Variants in PSMD8 observed in about 807,000 individuals in gnomAD.
The protein encoded by PSMD8 is 26S proteasome non-ATPase regulatory subunit 8.
Under a neutral mutation model 40.0 loss-of-function variants are expected in PSMD8, and 30 were observed. That is an observed-to-expected ratio of 0.75 (90% CI 0.56 to 1.02). The LOEUF (loss-of-function observed/expected upper bound fraction) is 1.02, where lower values mean the gene tolerates loss of function less well. Ranked by LOEUF, PSMD8 falls within the 50% of genes least tolerant of loss-of-function variation. The probability of loss-of-function intolerance (pLI) is 0.00; values close to 1 mark genes in which losing one functional copy is unlikely to be tolerated. For missense variants in PSMD8, 461 were observed against 463.9 expected (o/e 0.99, Z 0.06); for synonymous variants, 208 against 192.5 (o/e 1.08, Z -0.67).
At position 38,376,589 on chromosome 19, in the gene PSMD8, G is replaced by C. The variant is rs983317530; in HGVS notation, c.536+135G>C. 5.0e-6 allele frequency: 4 copies of C among 796,128 alleles called. No homozygotes were observed. In the Admixed American group the frequency reaches 9.8e-5, roughly 20 times the overall value. The allele number at this position is 796,128 out of a possible 1,614,324, so 49.3% of individuals were successfully genotyped here. On this transcript the variant is annotated intron_variant, in intron 3 of 6. Transcript: ENST00000215071. The stretch of plus-strand genomic sequence containing the variant: ...CTTAGTTCTCTCCTCAGTGGTGCAG[G>C]GTCAGGGCTTGGCTTGGAGGTCCTG...
intron 6 of PSMD8, 92 bp downstream of exon 6, chr19:38,382,320 C>A: frequency 9.9e-7 from 1 of 1,009,778 alleles, no homozygotes; most frequent in Non-Finnish European, 1.5e-6. Flanking sequence ...TGGAACAAGA[C>A]TGCCCAGGTT....
rs1318869204 is a variant in PSMD8 at position 38,374,766 on chromosome 19, C to T, written c.165C>T (p.Gly55=). 4 of 1,565,002 alleles carry T rather than the reference C, an allele frequency of 2.6e-6. No individual in the cohort carries two copies. Among genetic ancestry groups the T allele is most frequent in the African/African-American group, 1.4e-5 (1 of 73,936 alleles). ...SVCRRRCRKS[G]GLLAASRKMA... is the part of the protein sequence containing the mutation. ...GTAGGCGGCGCTGCCGTAAATCAGGCGGTCTGCTTGCCGCATCACGCAAGA... is the reference window on the plus strand; with the variant it reads ...GTAGGCGGCGCTGCCGTAAATCAGGTGGTCTGCTTGCCGCATCACGCAAGA... The change falls in exon 1 of 7, where the codon GGC becomes GGT. Residue 55 remains glycine (G), a synonymous_variant. Coordinates refer to ENST00000215071, the MANE Select transcript of PSMD8 (RefSeq NM_002812.5).
Position 38,374,648 on chromosome 19 carries a change from G to T in PSMD8, c.47G>T (p.Arg16Leu). The T allele has an allele frequency of 1.3e-6, 2 of 1,516,054 alleles. No individual in the cohort carries two copies. Among genetic ancestry groups the T allele is most frequent in the South Asian group, 2.5e-5 (2 of 79,938 alleles). The allele number at this position is 1,516,054 out of a possible 1,614,324, so 93.9% of individuals were successfully genotyped here. ...CCGAGGGCGCCACCTCGAGAGCGAC[G>T]GCGGGCTACCCGGGGCGGGCTGAGG... ...RAPRAPPRER[R>L]RATRGGLRQV... The change falls in exon 1 of 7, where the codon CGG becomes CTG. Residue 16 changes from arginine (R) to leucine (L), a missense_variant. Coordinates refer to ENST00000215071, the MANE Select transcript of PSMD8 (RefSeq NM_002812.5).
intron 1 of PSMD8, 78 bp downstream of exon 1, chr19:38,375,039 C>A: frequency 6.6e-7 from 1 of 1,511,938 alleles, no homozygotes; most frequent in Admixed American, 2.0e-5. Flanking sequence ...AACCAAGTCC[C>A]GGGCCGCGGA....
chr19:38,374,612 AGGGCAG>A lies in PSMD8; in HGVS notation c.14_19del (p.Gly5_Arg6del). 6.7e-7 allele frequency: 1 copy of A among 1,484,060 alleles called. No homozygotes were observed. Among genetic ancestry groups the A allele is most frequent in the East Asian group, 2.5e-5 (1 of 40,416 alleles). The allele number at this position is 1,484,060 out of a possible 1,614,324, so 91.9% of individuals were successfully genotyped here. ...GGAGCTCCAACTGACATGTTCATTA[AGGGCAG>A]GGCTCCGAGGGCGCCACCTCGAGAG... is the stretch of plus-strand genomic sequence containing the variant. On this transcript the variant is annotated inframe_deletion, in exon 1 of 7. Transcript: ENST00000215071.
chr19:38,379,639 T>C (rs1970623959), intron 4 of PSMD8, among the ~76,000 whole-genome samples: 1 of 152,206 alleles, frequency 6.6e-6, no homozygotes, highest in Non-Finnish European at 1.5e-5. Flanking sequence ...GTGATGACAC[T>C]GGGGTGTGGA....
At position 38,383,246 on chromosome 19, in the gene PSMD8, C is replaced by T. The variant is rs966849967; in HGVS notation, c.916-7C>T. 1.2e-6 allele frequency: 2 copies of T among 1,612,326 alleles called. No homozygotes were observed. Among genetic ancestry groups the T allele is most frequent in the African/African-American group, 1.3e-5 (1 of 74,846 alleles). ...TCTACTCGTCTCTAATCCCTCCTTT[C>T]CTGCAGCGAGGGTGGGTCCTGGGCC... is the stretch of plus-strand genomic sequence containing the variant. On this transcript the variant is annotated splice_polypyrimidine_tract_variant and splice_region_variant and intron_variant, in intron 6 of 6. Transcript: ENST00000215071.
chr19:38,380,282 A>G (rs900886206), intron 4 of PSMD8, among the ~76,000 whole-genome samples: 12 of 152,178 alleles, frequency 7.9e-5, no homozygotes, highest in Admixed American at 7.2e-4. Context: ...TCAAAAAAGA[A>G]AAGAAAAGGG....
chr19:38,378,507 CAAAA>C (rs1228248417), intron 3 of PSMD8, among the ~76,000 whole-genome samples: 2 of 71,782 alleles, frequency 2.8e-5, no homozygotes, highest in Non-Finnish European at 2.8e-5. Flanking sequence ...GACTCCGTCT[CAAAA>C]AAAAAAAAAA....
rs747868483 is a variant in PSMD8 at position 38,383,812 on chromosome 19, A to G, written c.*422A>G. 12 of 188,068 alleles carry G rather than the reference A, an allele frequency of 6.4e-5. No homozygotes were observed. Among genetic ancestry groups the G allele is most frequent in the South Asian group, 1.2e-4 (1 of 8,264 alleles). 11.6% of individuals were successfully genotyped at this position (188,068 alleles called of 1,614,324 possible). A position where few individuals can be genotyped will look rare whatever the true frequency, so the allele number is the denominator to read the frequency against. On this transcript the variant is annotated 3_prime_UTR_variant, in exon 7 of 7. Coordinates refer to ENST00000215071, the MANE Select transcript of PSMD8 (RefSeq NM_002812.5). ...ATAAATGTTGGCAGTGAATTAAACAATTTTTCAAATGACATGTGAAATGGA... is the reference window on the plus strand; with the variant it reads ...ATAAATGTTGGCAGTGAATTAAACAGTTTTTCAAATGACATGTGAAATGGA...
At chr19:38,381,336 G>A (rs73930570) in intron 5 of PSMD8, 2,380 of 202,584 alleles carry the variant, frequency 0.012, 59 homozygotes, top group African/African-American at 0.053. Flanking sequence ...CTTCACCTCC[G>A]GCCACCAAAA....
At chr19:38,381,162 G>A (rs1389414154) in intron 5 of PSMD8, 163 bp downstream of exon 5, 4 of 592,370 alleles carry the variant, frequency 6.8e-6, no homozygotes, top group Non-Finnish European at 1.2e-5. Flanking sequence ...ATTGGGCCTG[G>A]TCATGGGATT....
chr19:38,379,297 C>T lies in PSMD8; in HGVS notation c.594C>T (p.Phe198=), dbSNP rs1804245. ...AGCTCTTGGGCCTCAACCTCCTCTT[C>T]CTGCTGTCCCAGAACCGGGTGGCTG... ...MHQLLGLNLL[F]LLSQNRVAEF... Residue 198 remains phenylalanine (F), a synonymous_variant, in exon 4 of 7, where the codon TTC becomes TTT. Transcript: ENST00000215071. 8 of 1,613,890 alleles carry T rather than the reference C, an allele frequency of 5.0e-6. No individual in the cohort carries two copies. The African/African-American group carries it at 5.3e-5, about 11-fold the overall frequency.
At chr19:38,379,953 T>C (rs906639152) in intron 4 of PSMD8, among the ~76,000 whole-genome samples, 2 of 152,078 alleles carry the variant, frequency 1.3e-5, no homozygotes, top group Non-Finnish European at 2.9e-5. Context: ...AGTGAGATTC[T>C]GTCTCTATTT....
chr19:38,374,656 ACC>A lies in PSMD8; in HGVS notation c.57_58del (p.Arg20GlyfsTer28), dbSNP rs1970580906. On this transcript the variant is annotated frameshift_variant, in exon 1 of 7. Coordinates refer to ENST00000215071, the MANE Select transcript of PSMD8 (RefSeq NM_002812.5). LOFTEE classifies it high-confidence loss of function. ...RAPPRERRRA[T>X]RGGLRQVVAP... ...GCCACCTCGAGAGCGACGGCGGGCTACCCGGGGCGGGCTGAGGCAGGTTGTAG... is the reference window on the plus strand; with the variant it reads ...GCCACCTCGAGAGCGACGGCGGGCTACGGGGCGGGCTGAGGCAGGTTGTAG... 1 of 1,520,838 alleles carries A rather than the reference ACC, an allele frequency of 6.6e-7. No individual in the cohort carries two copies. The highest frequency in any genetic ancestry group is 1.4e-5 in the African/African-American group (1 of 70,590). The allele number at this position is 1,520,838 out of a possible 1,614,324, so 94.2% of individuals were successfully genotyped here.
Position 38,383,424 on chromosome 19 carries a change from T to TAA in PSMD8, c.*34_*35insAA. 6.2e-7 allele frequency: 1 copy of TAA among 1,612,872 alleles called. No homozygotes were observed. The highest frequency in any genetic ancestry group is 2.2e-5 in the East Asian group (1 of 44,848). On this transcript the variant is annotated 3_prime_UTR_variant, in exon 7 of 7. Coordinates refer to ENST00000215071, the MANE Select transcript of PSMD8 (RefSeq NM_002812.5). ...GGCACTGGGTGGGGCAGGGCACGAGTTATTTAAAACAGTTACACTGCAGGG... is the reference window on the plus strand; with the variant it reads ...GGCACTGGGTGGGGCAGGGCACGAGTAATATTTAAAACAGTTACACTGCAGGG...
At chr19:38,375,479 C>A in intron 1 of PSMD8, 2 of 182,690 alleles carry the variant, frequency 1.1e-5, no homozygotes, top group South Asian at 8.9e-5. Context: ...GTGAGGACTG[C>A]CCGGAGTGAT....
At chr19:38,382,431 T>G in intron 6 of PSMD8, 1 of 598,200 alleles carries the variant, frequency 1.7e-6, no homozygotes, top group Non-Finnish European at 3.0e-6. Context: ...GCTTAGTACC[T>G]GGCAGCAGCT....
Position 38,382,245 on chromosome 19 carries a change from G to C in PSMD8, c.915+17G>C. On this transcript the variant is annotated intron_variant, in intron 6 of 6. Coordinates refer to ENST00000215071, the MANE Select transcript of PSMD8 (RefSeq NM_002812.5). ...GCCAAGAAGGTGGCTGGGGTACAGG[G>C]CAAGGGGCCGTGGGACCAAGGGGTG... 6.4e-7 allele frequency: 1 copy of C among 1,562,036 alleles called. No homozygotes were observed. Among genetic ancestry groups the C allele is most frequent in the East Asian group, 2.4e-5 (1 of 42,324 alleles).
Sources: allele counts gnomAD v4.1 joint callset (sites outside exome capture counted in the v4.1 genomes callset), GRCh38; gene constraint gnomAD v4.1.1; transcripts MANE v1.5; gene names NCBI Gene and HGNC (gene_info 2026-07-23, HGNC 2026-07-21).